Variants in ERGIC2 observed in about 807,000 individuals in gnomAD.
ERGIC2 encodes endoplasmic reticulum-Golgi intermediate compartment protein 2.
A neutral mutation model predicts 52.5 loss-of-function variants in ERGIC2; 31 were observed. The observed-to-expected ratio is 0.59, with a 90% CI of 0.44 to 0.80. ERGIC2 has a LOEUF of 0.80. Ranked by LOEUF, ERGIC2 falls within the 30% of genes least tolerant of loss-of-function variation. The pLI is 0.00. For missense variants in ERGIC2, 395 were observed against 455.2 expected, an observed-to-expected ratio of 0.87 and a Z score of 1.20; for synonymous variants, 129 against 140.6, an observed-to-expected ratio of 0.92 and a Z score of 0.58.
rs376183544 is a variant in ERGIC2, at chr12:29,341,211, A to C, written c.1079T>G (p.Phe360Cys). ...GTGGTTGTCTGTGTGGCCATCCTCAAAAGGAACCTAAGGAGAAAAGGAGGG... is the reference window on the plus strand; with the variant it reads ...GTGGTTGTCTGTGTGGCCATCCTCACAAGGAACCTAAGGAGAAAAGGAGGG... ...GSYKPVNSVP[F>C]EDGHTDNHLP... is the part of the protein sequence containing the mutation. The change falls in exon 14 of 14, where the codon TTT becomes TGT. Residue 360 changes from phenylalanine (F) to cysteine (C), a missense_variant. Transcript: ENST00000360150. 4 of 1,607,742 alleles carry C rather than the reference A, an allele frequency of 2.5e-6. No homozygotes were observed. The East Asian group carries it at 9.0e-5, about 36-fold the overall frequency.
chr12:29,339,350 C>A lies in ERGIC2; in HGVS notation c.*1806G>T, dbSNP rs1220053253. 1 of 152,060 alleles carries A rather than the reference C, an allele frequency of 6.6e-6. No individual in the cohort carries two copies. Among genetic ancestry groups the A allele is most frequent in the Admixed American group, 6.6e-5 (1 of 15,260 alleles). The allele number at this position is 152,060 out of a possible 1,614,324, so 9.4% of individuals were successfully genotyped here. A position where few individuals can be genotyped will look rare whatever the true frequency, so the allele number is the denominator to read the frequency against. ...AAAATAATCCTAAATCAATATTGTT[C>A]TCCCTCCCATTTAGAAAAAGCCTTG... On this transcript the variant is annotated 3_prime_UTR_variant, in exon 14 of 14. Transcript: ENST00000360150.
chr12:29,377,973 A>G (rs1413854482), intron 1 of ERGIC2, among the ~76,000 whole-genome samples: 1 of 152,200 alleles, frequency 6.6e-6, no homozygotes, highest in Non-Finnish European at 1.5e-5. Flanking sequence ...GTTAATACAT[A>G]TGGCCAAGTT....
At position 29,341,787 on chromosome 12, in the gene ERGIC2, C is replaced by G. The variant is rs756298609; in HGVS notation, c.1018G>C (p.Val340Leu). Residue 340 changes from valine to leucine, a missense_variant, in exon 13 of 14, where the codon GTT becomes CTT. Physicochemically the swap from Val to Leu is conservative, Grantham distance 32. Coordinates refer to ENST00000360150, the MANE Select transcript of ERGIC2 (RefSeq NM_016570.3). ...GMLHGIGKFI[V>L]EIICCRFRLG... ...CTGAAACGACAGCAAATTATTTCAA[C>G]TATAAATTTTCCAATTCCATGTAAC... 3.1e-6 allele frequency: 5 copies of G among 1,599,470 alleles called. No individual in the cohort carries two copies. The South Asian group carries it at 4.4e-5, about 14-fold the overall frequency.
chr12:29,365,781 G>A (rs1267982824), intron 5 of ERGIC2, among the ~76,000 whole-genome samples: 1 of 151,774 alleles, frequency 6.6e-6, no homozygotes, highest in Non-Finnish European at 1.5e-5. Flanking sequence ...AAAATGAGCA[G>A]ATAATAGTGT....
At chr12:29,358,198 T>A (rs1277700106) in intron 6 of ERGIC2, among the ~76,000 whole-genome samples, 1 of 152,180 alleles carries the variant, frequency 6.6e-6, no homozygotes, top group Non-Finnish European at 1.5e-5. Flanking sequence ...ACTACAAAAA[T>A]TTTTCTCTCT....
rs1949831531 is a variant in ERGIC2 at position 29,340,738 on chromosome 12, G to A, written c.*418C>T. ...CCGTATGTTTTCCACATTTTATTCTGACATCATATCTTTTAAAAACAAAAG... is the reference window on the plus strand; with the variant it reads ...CCGTATGTTTTCCACATTTTATTCTAACATCATATCTTTTAAAAACAAAAG... On this transcript the variant is annotated 3_prime_UTR_variant, in exon 14 of 14. Coordinates refer to ENST00000360150, the MANE Select transcript of ERGIC2 (RefSeq NM_016570.3). 5.2e-6 allele frequency: 2 copies of A among 382,024 alleles called. No individual in the cohort carries two copies. The highest frequency in any genetic ancestry group is 8.1e-5 in the Admixed American group (2 of 24,798). The allele number at this position is 382,024 out of a possible 1,614,324, so 23.7% of individuals were successfully genotyped here.
chr12:29,372,067 C>T (rs948118005), intron 1 of ERGIC2, among the ~76,000 whole-genome samples: 17 of 152,054 alleles, frequency 1.1e-4, no homozygotes, highest in African/African-American at 3.4e-4. Context: ...AGGCCAGGCA[C>T]GGTCGCTCAC....
chr12:29,346,986 T>A (rs1419018583), intron 10 of ERGIC2, among the ~76,000 whole-genome samples: 1 of 152,208 alleles, frequency 6.6e-6, no homozygotes, highest in Non-Finnish European at 1.5e-5. Flanking sequence ...GTCCAAGTTA[T>A]TAAGTGGCAG....
intron 5 of ERGIC2, among the ~76,000 whole-genome samples, chr12:29,366,157 G>A (rs563006605): frequency 3.3e-5 from 5 of 151,990 alleles, no homozygotes; most frequent in East Asian, 1.9e-4. Flanking sequence ...GAACGCATGC[G>A]TAAATTTAAG....
At position 29,370,239 on chromosome 12, in the gene ERGIC2, C is replaced by A; in HGVS notation, c.107-17G>T. On this transcript the variant is annotated splice_polypyrimidine_tract_variant and intron_variant, in intron 2 of 13. Coordinates refer to ENST00000360150, the MANE Select transcript of ERGIC2 (RefSeq NM_016570.3). ...TTAGAGAAACTGGGAAATCCAACAA[C>A]AAAAGAAAAACAGAATTAAAACAAT... 2.0e-6 allele frequency: 3 copies of A among 1,526,642 alleles called. No homozygotes were observed. The highest frequency in any genetic ancestry group is 2.6e-6 in the Non-Finnish European group (3 of 1,149,670). The allele number at this position is 1,526,642 out of a possible 1,614,324, so 94.6% of individuals were successfully genotyped here.
intron 3 of ERGIC2, among the ~76,000 whole-genome samples, chr12:29,369,546 T>C (rs568335037): frequency 6.6e-6 from 1 of 152,108 alleles, no homozygotes; most frequent in Non-Finnish European, 1.5e-5. Flanking sequence ...AAACCTGGAT[T>C]GTAATTGAAA....
At chr12:29,361,409 AC>A (rs1940285175) in intron 6 of ERGIC2, among the ~76,000 whole-genome samples, 1 of 152,356 alleles carries the variant, frequency 6.6e-6, no homozygotes, top group African/African-American at 2.4e-5. Context: ...AATAGTTGAT[AC>A]CATTTTAAAT....
chr12:29,348,057 T>C (rs540343308), intron 10 of ERGIC2, among the ~76,000 whole-genome samples: 241 of 152,298 alleles, frequency 1.6e-3, no homozygotes, highest in Non-Finnish European at 3.0e-3. Flanking sequence ...AGAATTAACA[T>C]ATGCTTAGAT....
In ERGIC2 at chr12:29,357,625, T is replaced by C. The variant is rs771500032; in HGVS notation, c.474A>G (p.Pro158=). The C allele has an allele frequency of 6.7e-7, 1 of 1,500,198 alleles. No homozygotes were observed. Among genetic ancestry groups the C allele is most frequent in the Non-Finnish European group, 9.3e-7 (1 of 1,078,788 alleles). The allele number at this position is 1,500,198 out of a possible 1,614,324, so 92.9% of individuals were successfully genotyped here. A position where few individuals can be genotyped will look rare whatever the true frequency, so the allele number is the denominator to read the frequency against. The change falls in exon 7 of 14, where the codon CCA becomes CCG. Residue 158 remains proline, a splice_region_variant and synonymous_variant. Coordinates refer to ENST00000360150, the MANE Select transcript of ERGIC2 (RefSeq NM_016570.3). ...CACATTTAAAATACAGATCTCACCT[T>C]GGTGGAAGAGCTGTTGATGTACTTT... ...AFKSTSTALP[P]REDDSSQSPN... is the part of the protein sequence containing the mutation.
At chr12:29,365,746 ATATC>A (rs1940352760) in intron 5 of ERGIC2, among the ~76,000 whole-genome samples, 1 of 151,972 alleles carries the variant, frequency 6.6e-6, no homozygotes, top group South Asian at 2.1e-4. Context: ...AAATATTAAA[ATATC>A]TAATAATAAT....
chr12:29,348,093 G>A (rs956838117), intron 10 of ERGIC2, among the ~76,000 whole-genome samples: 1 of 152,058 alleles, frequency 6.6e-6, no homozygotes, highest in Non-Finnish European at 1.5e-5. Context: ...ACTGACTAAA[G>A]CTTATAAATC....
At chr12:29,380,904 G>A (rs1026698897) in intron 1 of ERGIC2, 1 of 152,290 alleles carries the variant, frequency 6.6e-6, no homozygotes, top group Non-Finnish European at 1.5e-5. Context: ...CTGGCAAAGG[G>A]AAGCTCCCAG....
rs1337797879 is a variant in ERGIC2 at position 29,343,059 on chromosome 12, G to T, written c.988+61C>A. 3 of 1,406,276 alleles carry T rather than the reference G, an allele frequency of 2.1e-6. No homozygotes were observed. In the African/African-American group the frequency reaches 4.3e-5, roughly 20 times the overall value. 87.1% of individuals were successfully genotyped at this position (1,406,276 alleles called of 1,614,324 possible). A position where few individuals can be genotyped will look rare whatever the true frequency, so the allele number is the denominator to read the frequency against. On this transcript the variant is annotated intron_variant, in intron 12 of 13. Transcript: ENST00000360150. ...TGTATACTTCTTGCCCCTTTGAGAA[G>T]AAGCAACTTAAGTATAAGCAACACT...
At chr12:29,370,041 C>CT in intron 3 of ERGIC2, 73 bp downstream of exon 3, 2 of 1,311,936 alleles carry the variant, frequency 1.5e-6, no homozygotes. Flanking sequence ...TAGACTTTTT[C>CT]TTTTTTAAAA....
Sources: allele counts gnomAD v4.1 joint callset (sites outside exome capture counted in the v4.1 genomes callset), GRCh38; gene constraint gnomAD v4.1.1; transcripts MANE v1.5; gene names NCBI Gene and HGNC (gene_info 2026-07-23, HGNC 2026-07-21).